Variants in SMYD3 observed in about 807,000 individuals in gnomAD.
SMYD3 encodes the protein SET and MYND domain containing 3.
Under a neutral mutation model 57.7 loss-of-function variants are expected in SMYD3, and 36 were observed. The observed-to-expected ratio is 0.62, with a 90% CI of 0.48 to 0.82. The LOEUF is 0.82. SMYD3 is among the 40% of genes least tolerant of loss of function. SMYD3 has a pLI of 0.00. For missense variants in SMYD3, 515 were observed against 538.8 expected (o/e 0.96, Z 0.44); for synonymous variants, 211 against 195.0 (o/e 1.08, Z -0.68).
At chr1:246,160,885 T>G (rs753551866) in intron 5 of SMYD3, among the ~76,000 whole-genome samples, 11 of 152,168 alleles carry the variant, frequency 7.2e-5, no homozygotes, top group Admixed American at 5.9e-4. Context: ...AGATGGTGAA[T>G]GTAAAAGAAC....
intron 5 of SMYD3, among the ~76,000 whole-genome samples, chr1:245,981,461 A>G (rs962931088): frequency 3.3e-5 from 5 of 152,254 alleles, no homozygotes; most frequent in Non-Finnish European, 1.5e-5. Context: ...AACCTTTCAG[A>G]ATCCTTCTAT....
chr1:246,074,466 AT>A (rs1477273880), intron 5 of SMYD3, among the ~76,000 whole-genome samples: 1 of 152,200 alleles, frequency 6.6e-6, no homozygotes, highest in Non-Finnish European at 1.5e-5. Flanking sequence ...CATACCAAAT[AT>A]AACAACTATA....
intron 5 of SMYD3, among the ~76,000 whole-genome samples, chr1:246,051,133 CTT>C (rs11453523): frequency 2.7e-4 from 38 of 141,616 alleles, no homozygotes; most frequent in South Asian, 2.2e-4. Context: ...TTTCTTACTC[CTT>C]TTTTTTTTTT....
chr1:246,459,193 C>T (rs1302156121), intron 1 of SMYD3, among the ~76,000 whole-genome samples: 1 of 151,672 alleles, frequency 6.6e-6, no homozygotes, highest in African/African-American at 2.4e-5. Context: ...TGATAGTTCT[C>T]GCGAGATCTT....
At chr1:245,996,074 C>T (rs1164169690) in intron 5 of SMYD3, among the ~76,000 whole-genome samples, 1 of 152,246 alleles carries the variant, frequency 6.6e-6, no homozygotes, top group Non-Finnish European at 1.5e-5. Flanking sequence ...CTAAAATCCT[C>T]CTGGCAGTTA....
intron 5 of SMYD3, among the ~76,000 whole-genome samples, chr1:245,978,232 G>A (rs2058499711): frequency 6.6e-6 from 1 of 152,148 alleles, no homozygotes; most frequent in African/African-American, 2.4e-5. Context: ...GGCATCTTCT[G>A]TCCCTTACTA....
intron 10 of SMYD3, among the ~76,000 whole-genome samples, chr1:245,773,701 G>T (rs1382541583): frequency 6.6e-6 from 1 of 152,134 alleles, no homozygotes; most frequent in Non-Finnish European, 1.5e-5. Context: ...CATCTTGAAG[G>T]ATTTCAAAAA....
intron 1 of SMYD3, among the ~76,000 whole-genome samples, chr1:246,419,613 AC>A (rs2067112595): frequency 6.6e-6 from 1 of 151,838 alleles, no homozygotes; most frequent in Admixed American, 6.6e-5. Flanking sequence ...CACTTCCCTT[AC>A]CCCCTTCCTC....
At chr1:246,158,676 A>G (rs1175747538) in intron 5 of SMYD3, among the ~76,000 whole-genome samples, 1 of 152,232 alleles carries the variant, frequency 6.6e-6, no homozygotes, top group Non-Finnish European at 1.5e-5. Flanking sequence ...TTACACATAA[A>G]TATACAGACA....
chr1:246,413,686 G>A (rs2067012736), intron 1 of SMYD3, among the ~76,000 whole-genome samples: 1 of 151,956 alleles, frequency 6.6e-6, no homozygotes, highest in African/African-American at 2.4e-5. Flanking sequence ...TCCATGTGAC[G>A]GGCCAGCTCC....
chr1:246,158,002 G>A (rs1337080395), intron 5 of SMYD3, among the ~76,000 whole-genome samples: 3 of 152,210 alleles, frequency 2.0e-5, no homozygotes, highest in Admixed American at 6.5e-5. Flanking sequence ...AGATTGAATG[G>A]ACAGTTGCAG....
intron 10 of SMYD3, among the ~76,000 whole-genome samples, chr1:245,795,653 TC>T (rs1348746379): frequency 1.3e-5 from 2 of 152,164 alleles, no homozygotes; most frequent in African/African-American, 4.8e-5. Flanking sequence ...TCCCTGACTT[TC>T]TCTACAACCT....
intron 5 of SMYD3, among the ~76,000 whole-genome samples, chr1:245,946,744 G>A (rs750791901): frequency 6.6e-6 from 1 of 152,104 alleles, no homozygotes; most frequent in Admixed American, 6.6e-5. Flanking sequence ...CATTCATTAA[G>A]GGTCTATTAT....
chr1:245,795,276 C>CTTCA (rs2047474844), intron 10 of SMYD3, among the ~76,000 whole-genome samples: 1 of 152,228 alleles, frequency 6.6e-6, no homozygotes, highest in Non-Finnish European at 1.5e-5. Context: ...GACTCACAAG[C>CTTCA]TTCATGTCGA....
At chr1:246,054,328 A>C (rs2060113176) in intron 5 of SMYD3, among the ~76,000 whole-genome samples, 1 of 152,230 alleles carries the variant, frequency 6.6e-6, no homozygotes, top group Non-Finnish European at 1.5e-5. Flanking sequence ...GGGGAACACG[A>C]AAAGTCACGA....
chr1:246,450,658 A>T (rs2067619944), intron 1 of SMYD3, among the ~76,000 whole-genome samples: 1 of 152,216 alleles, frequency 6.6e-6, no homozygotes, highest in Non-Finnish European at 1.5e-5. Flanking sequence ...AAAAGGAATC[A>T]TATTCGACAC....
At chr1:245,803,280 G>A (rs1325528418) in intron 10 of SMYD3, among the ~76,000 whole-genome samples, 1 of 152,214 alleles carries the variant, frequency 6.6e-6, no homozygotes, top group Non-Finnish European at 1.5e-5. Flanking sequence ...CTGGGGCACA[G>A]GAGAGGTGCT....
At chr1:246,235,561 G>GTCTCACC (rs756091123) in intron 5 of SMYD3, among the ~76,000 whole-genome samples, 12,863 of 152,200 alleles carry the variant, frequency 0.085, 729 homozygotes, top group East Asian at 0.21. Flanking sequence ...CAGACAAAAA[G>GTCTCACC]ACATGTATGG....
chr1:246,350,942 T>C (rs1201122408), intron 2 of SMYD3, among the ~76,000 whole-genome samples: 6 of 152,234 alleles, frequency 3.9e-5, no homozygotes, highest in Admixed American at 1.3e-4. Context: ...TTATCTACAG[T>C]ACATTCCGTG....
Sources: gnomAD v4.1 joint callset for allele counts (sites outside exome capture counted in the v4.1 genomes callset) on GRCh38, gnomAD v4.1.1 for gene constraint, MANE v1.5 for transcripts, NCBI Gene and HGNC (gene_info 2026-07-23, HGNC 2026-07-21) for gene names.